ST6GALNAC1: variants seen among roughly 807,000 people sequenced by gnomAD.
ST6GALNAC1 encodes alpha-N-acetylgalactosaminide alpha-2,6-sialyltransferase 1.
ST6GALNAC1 carries 45 observed loss-of-function variants against 56.8 expected under a neutral mutation model. The observed-to-expected ratio is 0.79, with a 90% CI of 0.62 to 1.02. The LOEUF is 1.02. ST6GALNAC1 is among the 50% of genes least tolerant of loss of function. The pLI, the probability that ST6GALNAC1 is intolerant of heterozygous loss-of-function variation, is 0.00. For missense variants in ST6GALNAC1, 743 were observed against 754.8 expected, an observed-to-expected ratio of 0.98 and a Z score of 0.18; for synonymous variants, 295 against 297.8, an observed-to-expected ratio of 0.99 and a Z score of 0.10.
chr17:76,622,983 T>TA (rs779088120), downstream of ST6GALNAC1, among the ~76,000 whole-genome samples: 28 of 152,176 alleles, frequency 1.8e-4, no homozygotes, highest in Non-Finnish European at 2.9e-4. Flanking sequence ...TTATTAAAGA[T>TA]AGCATTTCAC....
rs371186856 is a variant in ST6GALNAC1 at position 76,627,389 on chromosome 17, C to A, written c.1000+26G>T. ...TCTGCCCCGGCCTACTGCGCACCCA[C>A]ACCTTCCCCTGGGTTAAGGACTCAC... On this transcript the variant is annotated intron_variant, in intron 3 of 8. Transcript: ENST00000156626. This position sits in a 1 kb window ranked among gnomAD's most constrained non-coding sequence, Gnocchi z 4.4. The A allele has an allele frequency of 1.2e-6, 2 of 1,613,042 alleles. No individual in the cohort carries two copies. The highest frequency in any genetic ancestry group is 2.7e-5 in the African/African-American group (2 of 74,916).
At position 76,625,301 on chromosome 17, in the gene ST6GALNAC1, C is replaced by T. The variant is rs749168477; in HGVS notation, c.*29G>A. On this transcript the variant is annotated 3_prime_UTR_variant, in exon 9 of 9. Coordinates refer to ENST00000156626, the MANE Select transcript of ST6GALNAC1 (RefSeq NM_018414.5). ...ACTGTATCCTGTGCCTTGGAGCAGG[C>T]AAGGAGACCATGGCAGCCCTGGCCC... is the stretch of plus-strand genomic sequence containing the variant. 2.5e-6 allele frequency: 4 copies of T among 1,606,486 alleles called. No homozygotes were observed. The highest frequency in any genetic ancestry group is 3.4e-6 in the Non-Finnish European group (4 of 1,176,920).
At chr17:76,642,133 T>C (rs765397961) in intron 1 of ST6GALNAC1, among the ~76,000 whole-genome samples, 7 of 151,904 alleles carry the variant, frequency 4.6e-5, no homozygotes, top group African/African-American at 1.5e-4. Flanking sequence ...CTCCATACTA[T>C]ATATAGATAT....
rs539964246 is a variant in ST6GALNAC1, at chr17:76,629,676, A to G, written c.167T>C (p.Leu56Pro). ...QRTENIKERS[L>P]QSLAKPKSQA... ...GGACTTAGGCTTTGCCAGGGACTGT[A>G]GAGACCTTTCTTTAATGTTCTCTGT... is the stretch of plus-strand genomic sequence containing the variant. The change falls in exon 2 of 9, where the codon CTA becomes CCA. Residue 56 changes from leucine to proline, a missense_variant. Leu to Pro is a moderately conservative substitution (Grantham distance 98). Coordinates refer to ENST00000156626, the MANE Select transcript of ST6GALNAC1 (RefSeq NM_018414.5). 6.2e-7 allele frequency: 1 copy of G among 1,613,926 alleles called. No homozygotes were observed. Among genetic ancestry groups the G allele is most frequent in the African/African-American group, 1.3e-5 (1 of 74,966 alleles).
rs1354879064 is a variant in ST6GALNAC1, at chr17:76,626,063, A to G, written c.1448T>C (p.Leu483Pro). 1 of 1,614,184 alleles carries G rather than the reference A, an allele frequency of 6.2e-7. No homozygotes were observed. Among genetic ancestry groups the G allele is most frequent in the Non-Finnish European group, 8.5e-7 (1 of 1,180,020 alleles). Residue 483 changes from leucine to proline, a missense_variant, in exon 7 of 9, where the codon CTG becomes CCG. Transcript: ENST00000156626. ...HRPQEAFREALHMDRYLLLHP... is the reference protein window; with the variant it reads ...HRPQEAFREAPHMDRYLLLHP... The stretch of plus-strand genomic sequence containing the variant: ...CAGCAACAGGTACCTGTCCATGTGC[A>G]GGGCTTCCCGAAAAGCTTCCTGGGG...
the ST6GALNAC1 span, among the ~76,000 whole-genome samples, chr17:76,619,740 G>GT: frequency 0.14 from 14,486 of 101,254 alleles, 1,356 homozygotes; most frequent in South Asian, 0.17. Flanking sequence ...AATAATGTTA[G>GT]TTTTTTTTTT....
chr17:76,627,128 C>G lies in ST6GALNAC1; in HGVS notation c.1111G>C (p.Gly371Arg). 1 of 1,597,806 alleles carries G rather than the reference C, an allele frequency of 6.3e-7. No individual in the cohort carries two copies. The highest frequency in any genetic ancestry group is 8.5e-7 in the Non-Finnish European group (1 of 1,171,740). Residue 371 changes from glycine to arginine, a missense_variant, in exon 4 of 9, where the codon GGG becomes CGG. Transcript: ENST00000156626. The surrounding 1 kb of genome is among the most constrained non-coding windows in gnomAD (Gnocchi z 4.4). ...RCITCAVVGN[G>R]GILNNSHMGQ... ...ATGTGGGAGTTGTTCAGGATGCCCC[C>G]GTTGCCCACCACGGCACAGGTGATG...
Position 76,627,613 on chromosome 17 carries a change from G to A in ST6GALNAC1, c.832-30C>T. 1 of 1,607,518 alleles carries A rather than the reference G, an allele frequency of 6.2e-7. No homozygotes were observed. The highest frequency in any genetic ancestry group is 8.5e-7 in the Non-Finnish European group (1 of 1,176,642). On this transcript the variant is annotated intron_variant, in intron 2 of 8. Coordinates refer to ENST00000156626, the MANE Select transcript of ST6GALNAC1 (RefSeq NM_018414.5). This position sits in a 1 kb window ranked among gnomAD's most constrained non-coding sequence, Gnocchi z 4.4. ...ATACAGGAGGACGAAGTCAGGAAGG[G>A]AGAGACCCAGAAAGGCCATCGGCCA... is the stretch of plus-strand genomic sequence containing the variant.
In ST6GALNAC1 at chr17:76,627,445, G is replaced by GTGGT. The variant is rs1442546814; in HGVS notation, c.966_969dup (p.Pro324ThrfsTer76). ...TAGTTGAGCTCCATGAAGCCAAAGG[G>GTGGT]TGGTGCAAAGTGTTCCAGGCGGTCC... On this transcript the variant is annotated frameshift_variant, in exon 3 of 9. Transcript: ENST00000156626. LOFTEE classifies it high-confidence loss of function. The surrounding 1 kb of genome is among the most constrained non-coding windows in gnomAD (Gnocchi z 4.4). 4.3e-6 allele frequency: 7 copies of GTGGT among 1,614,214 alleles called. No individual in the cohort carries two copies. Among genetic ancestry groups the GTGGT allele is most frequent in the Non-Finnish European group, 5.9e-6 (7 of 1,180,046 alleles).
downstream of ST6GALNAC1, among the ~76,000 whole-genome samples, chr17:76,619,769 A>G (rs191419826): frequency 5.2e-3 from 583 of 112,976 alleles, 9 homozygotes; most frequent in African/African-American, 0.02. Flanking sequence ...TTTTTTAGGC[A>G]GAGTCTCACT....
chr17:76,625,360 A>G lies in ST6GALNAC1; in HGVS notation c.1773T>C (p.Pro591=). 1 of 1,613,812 alleles carries G rather than the reference A, an allele frequency of 6.2e-7. No homozygotes were observed. The highest frequency in any genetic ancestry group is 1.3e-5 in the African/African-American group (1 of 75,056). ...TCTTGGCTTTGGCAGTTCCGGGACC[A>G]GGACGCTGGTACAGCCGGATTATCC... ...DEGIIRLYQR[P]GPGTAKAKN is the part of the protein sequence containing the mutation. Residue 591 remains proline (P), a synonymous_variant, in exon 9 of 9, where the codon CCT becomes CCC. Transcript: ENST00000156626.
chr17:76,643,353 C>G lies in ST6GALNAC1; in HGVS notation c.131+155G>C, dbSNP rs571392661. ...GTTCCCTGCAAGTCTTCCCATTAGT[C>G]TTTCTTCCCAGTGCTTCTTGAGAAC... On this transcript the variant is annotated intron_variant, in intron 1 of 8. Transcript: ENST00000156626. Among the ~76,000 whole-genome samples, 40 of 152,338 alleles carry G rather than the reference C, an allele frequency of 2.6e-4. 1 individual carries two copies. The highest frequency in any genetic ancestry group is 6.8e-3 in the Middle Eastern group (2 of 294).
downstream of ST6GALNAC1, among the ~76,000 whole-genome samples, chr17:76,620,037 C>A (rs1440231344): frequency 6.6e-6 from 1 of 150,584 alleles, no homozygotes; most frequent in Non-Finnish European, 1.5e-5. Context: ...AGTCACTGTG[C>A]CCGGCCTTTT....
chr17:76,631,061 A>ATGTGTG (rs2075888570), intron 1 of ST6GALNAC1, among the ~76,000 whole-genome samples: 1 of 77,986 alleles, frequency 1.3e-5, no homozygotes, highest in African/African-American at 4.4e-5. Context: ...TGCCCAGCTA[A>ATGTGTG]TCTCTGTGTG....
At chr17:76,622,844 A>G (rs1390263063), downstream of ST6GALNAC1, among the ~76,000 whole-genome samples, 2 of 148,488 alleles carry the variant, frequency 1.3e-5, no homozygotes, top group African/African-American at 5.0e-5. Context: ...CCCAGGCTGG[A>G]GTGCAATGTC....
At chr17:76,630,325 G>C (rs2075873892) in intron 1 of ST6GALNAC1, among the ~76,000 whole-genome samples, 1 of 152,136 alleles carries the variant, frequency 6.6e-6, no homozygotes, top group Non-Finnish European at 1.5e-5. Context: ...GCCGGCCAAG[G>C]CAATATGGGA....
At chr17:76,625,548 A>G (rs2075784809) in intron 8 of ST6GALNAC1, 21 bp from the exon 9 acceptor site, 1 of 1,612,096 alleles carries the variant, frequency 6.2e-7, no homozygotes, top group African/African-American at 1.3e-5. Flanking sequence ...GTTGGAGGAG[A>G]AACACGGCCT....
Position 76,625,201 on chromosome 17 carries a change from G to T in ST6GALNAC1, c.*129C>A. The T allele has an allele frequency of 1.1e-6, 1 of 940,814 alleles. No homozygotes were observed. The highest frequency in any genetic ancestry group is 1.6e-6 in the Non-Finnish European group (1 of 638,920). The allele number at this position is 940,814 out of a possible 1,614,324, so 58.3% of individuals were successfully genotyped here. On this transcript the variant is annotated 3_prime_UTR_variant, in exon 9 of 9. Coordinates refer to ENST00000156626, the MANE Select transcript of ST6GALNAC1 (RefSeq NM_018414.5). ...AGAGAGTCTTGTCCATGGTTCAAGTGTTCCCTTGGAACTCCTGAAGGGCTT... is the reference window on the plus strand; with the variant it reads ...AGAGAGTCTTGTCCATGGTTCAAGTTTTCCCTTGGAACTCCTGAAGGGCTT...
rs747689841 is a variant in ST6GALNAC1 at position 76,629,051 on chromosome 17, A to C, written c.792T>G (p.Phe264Leu). Residue 264 changes from phenylalanine to leucine, a missense_variant, in exon 2 of 9, where the codon TTT becomes TTG. By Grantham distance (22) the Phe-to-Leu change is conservative. Coordinates refer to ENST00000156626, the MANE Select transcript of ST6GALNAC1 (RefSeq NM_018414.5). ...CTATTTCGAAGCTGTATTTTTCCTC[A>C]AAATCCCACCGAGGCTCAGATTTGA... ...ANFKSEPRWD[F>L]EEKYSFEIGG... 2 of 1,547,884 alleles carry C rather than the reference A, an allele frequency of 1.3e-6. No homozygotes were observed. The highest frequency in any genetic ancestry group is 1.7e-6 in the Non-Finnish European group (2 of 1,148,878).
Sources: gnomAD v4.1 joint callset for allele counts (sites outside exome capture counted in the v4.1 genomes callset) on GRCh38, gnomAD v4.1.1 for gene constraint, Gnocchi (gnomAD v3.1) non-coding constraint, MANE v1.5 for transcripts, NCBI Gene and HGNC (gene_info 2026-07-23, HGNC 2026-07-21) for gene names.